RAB3D: variants seen among roughly 807,000 people sequenced by gnomAD.
RAB3D encodes ras-related protein Rab-3D.
In RAB3D, 17 loss-of-function variants were observed where a neutral mutation model predicts 19.3. The observed-to-expected ratio is 0.88, with a 90% CI of 0.60 to 1.32. The LOEUF (loss-of-function observed/expected upper bound fraction) is 1.32. Among genes scored for constraint, RAB3D ranks in the 40% most tolerant of loss-of-function variants. The probability of loss-of-function intolerance (pLI) is 0.00; values close to 1 mark genes in which losing one functional copy is unlikely to be tolerated. For missense variants in RAB3D, 223 were observed against 299.1 expected (o/e 0.75, Z 1.88); for synonymous variants, 103 against 119.9 (o/e 0.86, Z 0.92).
At chr19:11,338,844 C>T (rs945700240) in intron 1 of RAB3D, among the ~76,000 whole-genome samples, 4 of 152,218 alleles carry the variant, frequency 2.6e-5, no homozygotes, top group African/African-American at 9.6e-5. Flanking sequence ...CATCCGAGTC[C>T]AAGGTGCTCC....
At chr19:11,329,383 G>C (rs1001742155) in intron 4 of RAB3D, among the ~76,000 whole-genome samples, 3 of 151,688 alleles carry the variant, frequency 2.0e-5, no homozygotes. Flanking sequence ...CCGAGGCAGC[G>C]GATCACCTGA....
intron 4 of RAB3D, among the ~76,000 whole-genome samples, chr19:11,329,922 T>A (rs1029383575): frequency 1.4e-4 from 22 of 152,142 alleles, no homozygotes; most frequent in African/African-American, 5.3e-4. Context: ...CATCAAGTGA[T>A]CTGCCCACTT....
At chr19:11,337,701 G>A (rs75669748) in intron 1 of RAB3D, among the ~76,000 whole-genome samples, 9,868 of 148,980 alleles carry the variant, frequency 0.066, 568 homozygotes, top group African/African-American at 0.16. Flanking sequence ...ACAAGATCTC[G>A]CTCTGTTGCC....
At chr19:11,334,665 T>C (rs1008524553) in intron 4 of RAB3D, among the ~76,000 whole-genome samples, 7 of 152,000 alleles carry the variant, frequency 4.6e-5, no homozygotes, top group African/African-American at 1.2e-4. Flanking sequence ...TGCCTCACGC[T>C]TGTAATCCCA....
intron 4 of RAB3D, among the ~76,000 whole-genome samples, chr19:11,326,327 G>A (rs1291081679): frequency 1.3e-5 from 2 of 152,138 alleles, no homozygotes; most frequent in Non-Finnish European, 2.9e-5. Context: ...GCAGCAGTGA[G>A]CCATGATCAC....
chr19:11,336,132 C>G (rs746357795), intron 2 of RAB3D, among the ~76,000 whole-genome samples: 3 of 152,124 alleles, frequency 2.0e-5, no homozygotes, highest in Non-Finnish European at 2.9e-5. Flanking sequence ...ACCATCCTGA[C>G]AGGACACCTT....
At chr19:11,326,788 T>C (rs1198450712) in intron 4 of RAB3D, 2 of 693,606 alleles carry the variant, frequency 2.9e-6, no homozygotes, top group South Asian at 1.5e-5. Flanking sequence ...ATTTTTTCTT[T>C]TGTAGAGGTG....
Position 11,324,054 on chromosome 19 carries a change from T to TC in RAB3D, c.*1343dup, listed in dbSNP as rs371075512. 2.7e-5 allele frequency: 4 copies of TC among 150,888 alleles called. No homozygotes were observed. Among genetic ancestry groups the TC allele is most frequent in the African/African-American group, 4.9e-5 (2 of 41,034 alleles). The allele number at this position is 150,888 out of a possible 1,614,324, so 9.3% of individuals were successfully genotyped here. A position where few individuals can be genotyped will look rare whatever the true frequency, so the allele number is the denominator to read the frequency against. The stretch of plus-strand genomic sequence containing the variant: ...ACTCCCCGGCACTGATCACAGTCCA[T>TC]CCCCCCCATTCACATAAGGTCCTGC... On this transcript the variant is annotated 3_prime_UTR_variant, in exon 5 of 5. Transcript: ENST00000222120.
intron 4 of RAB3D, among the ~76,000 whole-genome samples, chr19:11,334,211 G>A (rs538137537): frequency 1.3e-5 from 2 of 152,142 alleles, no homozygotes; most frequent in African/African-American, 2.4e-5. Context: ...GGTGGCTCAC[G>A]CCTGTAATCC....
At position 11,337,434 on chromosome 19, in the gene RAB3D, A is replaced by C. The variant is rs775034512; in HGVS notation, c.-35T>G. 1.0e-5 allele frequency: 16 copies of C among 1,581,100 alleles called. No homozygotes were observed. Among genetic ancestry groups the C allele is most frequent in the African/African-American group, 1.3e-5 (1 of 74,278 alleles). On this transcript the variant is annotated 5_prime_UTR_variant, in exon 2 of 5. It adds an upstream start codon to the 5' untranslated region. Coordinates refer to ENST00000222120, the MANE Select transcript of RAB3D (RefSeq NM_004283.4). ...AGCCTCCTGGGACAGGGAGACCTGA[A>C]ATCCTCAGGGAGAGGAGACGGGCGT...
chr19:11,330,942 GGAGTTGGAGGCTGCTTTGAGTTA>G (rs2080833630), intron 4 of RAB3D, among the ~76,000 whole-genome samples: 1 of 151,780 alleles, frequency 6.6e-6, no homozygotes, highest in Non-Finnish European at 1.5e-5. Flanking sequence ...CTTGAGCCCA[GGAGTTGGAGGCTGCTTTGAGTTA>G]TGATCGTGCC....
At chr19:11,332,167 G>T (rs548601610) in intron 4 of RAB3D, among the ~76,000 whole-genome samples, 6 of 150,926 alleles carry the variant, frequency 4.0e-5, no homozygotes, top group Admixed American at 1.3e-4. Flanking sequence ...TGAGTAGCCG[G>T]AATTACAGGC....
At chr19:11,326,364 G>C (rs1052045789) in intron 4 of RAB3D, among the ~76,000 whole-genome samples, 1 of 152,146 alleles carries the variant, frequency 6.6e-6, no homozygotes, top group Non-Finnish European at 1.5e-5. Context: ...CTGGGTGATG[G>C]AGCAAGACCC....
chr19:11,331,109 T>C (rs2080834490), intron 4 of RAB3D, among the ~76,000 whole-genome samples: 1 of 151,304 alleles, frequency 6.6e-6, no homozygotes, highest in Admixed American at 6.6e-5. Context: ...CTGGCTAACA[T>C]AGTGAAACCC....
At position 11,337,296 on chromosome 19, in the gene RAB3D, T is replaced by C; in HGVS notation, c.104A>G (p.Lys35Arg). Residue 35 changes from lysine (K) to arginine (R), a missense_variant, in exon 2 of 5, where the codon AAG becomes AGG. Transcript: ENST00000222120. ...LLLIGNSSVGKTSFLFRYADD... is the reference protein window; with the variant it reads ...LLLIGNSSVGRTSFLFRYADD... ...CGCGTATCGGAACAGGAAGGAAGTC[T>C]TGCCCACACTGCTGTTGCCTATCAG... 6.2e-7 allele frequency: 1 copy of C among 1,614,124 alleles called. No homozygotes were observed. Among genetic ancestry groups the C allele is most frequent in the Non-Finnish European group, 8.5e-7 (1 of 1,180,020 alleles).
rs193271892 is a variant in RAB3D, at chr19:11,336,714, T to C, written c.228+458A>G. Among the ~76,000 whole-genome samples the C allele has an allele frequency of 6.4e-3, 977 of 151,918 alleles. 7 individuals are homozygous for C. The highest frequency in any genetic ancestry group is 7.8e-3 in the Non-Finnish European group (533 of 67,968). Reference sequence around the variant, plus strand: ...ACAGTATTACAGTGGCTCATGCCTGTAATCCCAGCGCTTTGGGAGGCCGAG... The same window carrying C: ...ACAGTATTACAGTGGCTCATGCCTGCAATCCCAGCGCTTTGGGAGGCCGAG... On this transcript the variant is annotated intron_variant, in intron 2 of 4. Transcript: ENST00000222120.
At chr19:11,330,796 C>T (rs931015324) in intron 4 of RAB3D, among the ~76,000 whole-genome samples, 16 of 151,990 alleles carry the variant, frequency 1.1e-4, no homozygotes, top group Non-Finnish European at 2.2e-4. Context: ...GTGATCCACC[C>T]GCCTCGGCCT....
chr19:11,338,448 G>A (rs945887622), intron 1 of RAB3D, among the ~76,000 whole-genome samples: 9 of 152,164 alleles, frequency 5.9e-5, no homozygotes, highest in Non-Finnish European at 1.0e-4. Context: ...TTAAGGCTTG[G>A]GTGTTGACTT....
intron 4 of RAB3D, among the ~76,000 whole-genome samples, chr19:11,333,125 G>C (rs2080840856): frequency 6.6e-6 from 1 of 151,046 alleles, no homozygotes; most frequent in Admixed American, 6.6e-5. Flanking sequence ...TTCTACCCAG[G>C]CTGGAGTGTA....
Sources: gnomAD v4.1 joint callset for allele counts (sites outside exome capture counted in the v4.1 genomes callset) on GRCh38, gnomAD v4.1.1 for gene constraint, MANE v1.5 for transcripts, NCBI Gene and HGNC (gene_info 2026-07-23, HGNC 2026-07-21) for gene names.